EFNA5: variants seen among roughly 807,000 people sequenced by gnomAD.
EFNA5 encodes the protein ephrin A5.
A neutral mutation model predicts 22.9 loss-of-function variants in EFNA5; 5 were observed. The observed-to-expected ratio is 0.22, with a 90% CI of 0.11 to 0.46. The LOEUF is 0.46. Ranked by LOEUF, EFNA5 falls within the 20% of genes least tolerant of loss-of-function variation. The probability of loss-of-function intolerance (pLI) is 0.99; values close to 1 mark genes in which losing one functional copy is unlikely to be tolerated. For missense variants in EFNA5, 237 were observed against 293.3 expected (o/e 0.81, Z 1.40); for synonymous variants, 113 against 112.2 (o/e 1.01, Z -0.04).
chr5:107,652,953 T>C (rs899540007), intron 1 of EFNA5, among the ~76,000 whole-genome samples: 2 of 152,074 alleles, frequency 1.3e-5, no homozygotes, highest in African/African-American at 4.8e-5. Context: ...AGAACTTTCA[T>C]TTCAAATGGC....
chr5:107,537,921 A>C lies in EFNA5; in HGVS notation c.126-110412T>G, dbSNP rs373904338. Reference sequence around the variant, plus strand: ...CACACAAATGATTAGCACATAATACACTGGAGTATTGGCAAATATTAAATG... The same window carrying C: ...CACACAAATGATTAGCACATAATACCCTGGAGTATTGGCAAATATTAAATG... On this transcript the variant is annotated intron_variant, in intron 1 of 4. Transcript: ENST00000333274. 9.8e-5 allele frequency among the ~76,000 whole-genome samples: 15 copies of C among 152,324 alleles called. No homozygotes were observed. In the East Asian group the frequency reaches 1.4e-3, roughly 14 times the overall value.
chr5:107,386,904 T>A (rs1438272025), intron 4 of EFNA5, among the ~76,000 whole-genome samples: 1 of 152,224 alleles, frequency 6.6e-6, no homozygotes, highest in Non-Finnish European at 1.5e-5. Context: ...TGAAAACAGA[T>A]CCTTTAATAT....
intron 1 of EFNA5, among the ~76,000 whole-genome samples, chr5:107,451,767 C>T (rs562102194): frequency 1.3e-5 from 2 of 152,154 alleles, no homozygotes; most frequent in Non-Finnish European, 2.9e-5. Flanking sequence ...GGCTTTTCCA[C>T]TGTTGGTAGG....
chr5:107,623,763 G>A (rs1245601509), intron 1 of EFNA5, among the ~76,000 whole-genome samples: 1 of 148,788 alleles, frequency 6.7e-6, no homozygotes, highest in Non-Finnish European at 1.5e-5. Flanking sequence ...AAGGCAGAAA[G>A]AGCTTTTATG....
chr5:107,380,518 T>C lies in EFNA5; in HGVS notation c.*737A>G, dbSNP rs1332604829. 1 of 293,508 alleles carries C rather than the reference T, an allele frequency of 3.4e-6. No individual in the cohort carries two copies. Among genetic ancestry groups the C allele is most frequent in the African/African-American group, 2.2e-5 (1 of 45,102 alleles). The allele number at this position is 293,508 out of a possible 1,614,324, so 18.2% of individuals were successfully genotyped here. On this transcript the variant is annotated 3_prime_UTR_variant, in exon 5 of 5. Coordinates refer to ENST00000333274, the MANE Select transcript of EFNA5 (RefSeq NM_001962.3). The stretch of plus-strand genomic sequence containing the variant: ...CACACATACACACCCCCAGCAAACC[T>C]GTAGTTTTCTCTGTTTTCACACCTG...
At chr5:107,584,494 A>C (rs974847110) in intron 1 of EFNA5, among the ~76,000 whole-genome samples, 7 of 152,336 alleles carry the variant, frequency 4.6e-5, no homozygotes, top group Middle Eastern at 3.4e-3. Flanking sequence ...ATTTAAGCAT[A>C]AATAACCTTT....
chr5:107,638,034 TAG>T lies in EFNA5; in HGVS notation c.125+32453_125+32454del. On this transcript the variant is annotated intron_variant, in intron 1 of 4. Coordinates refer to ENST00000333274, the MANE Select transcript of EFNA5 (RefSeq NM_001962.3). ...GCTAATTTTTTGTATTTTTTTTTTT[TAG>T]TAGAGACGGGGTTTCACCATGTTAG... Among the ~76,000 whole-genome samples the T allele has an allele frequency of 4.0e-5, 6 of 150,912 alleles. 1 individual carries two copies.
At chr5:107,474,804 A>C (rs1012565016) in intron 1 of EFNA5, among the ~76,000 whole-genome samples, 4 of 152,180 alleles carry the variant, frequency 2.6e-5, no homozygotes, top group African/African-American at 7.2e-5. Flanking sequence ...AGGCAAGAAG[A>C]AGCCCCGAAG....
intron 1 of EFNA5, among the ~76,000 whole-genome samples, chr5:107,619,759 G>C (rs936638906): frequency 6.6e-6 from 1 of 152,090 alleles, no homozygotes; most frequent in African/African-American, 2.4e-5. Context: ...ACCACGCCTA[G>C]CCTATCAGCT....
rs181250394 is a variant in EFNA5, at chr5:107,542,889, G to T, written c.126-115380C>A. On this transcript the variant is annotated intron_variant, in intron 1 of 4. Coordinates refer to ENST00000333274, the MANE Select transcript of EFNA5 (RefSeq NM_001962.3). ...CTCACAACCTCGACAGGCAGTGTAT[G>T]TGTGACTTGTTCTTTCTATCCGGAA... Among the ~76,000 whole-genome samples, 502 of 152,334 alleles carry T rather than the reference G, an allele frequency of 3.3e-3. 2 individuals carry two copies. The highest frequency in any genetic ancestry group is 5.1e-3 in the Non-Finnish European group (350 of 68,030).
intron 1 of EFNA5, among the ~76,000 whole-genome samples, chr5:107,520,238 CTGTT>C (rs2112442374): frequency 6.6e-6 from 1 of 152,242 alleles, no homozygotes; most frequent in African/African-American, 2.4e-5. Flanking sequence ...CTTGTGGAGT[CTGTT>C]TGCATACCAC....
chr5:107,493,907 G>GTGTA (rs1746887795), intron 1 of EFNA5, among the ~76,000 whole-genome samples: 1 of 152,188 alleles, frequency 6.6e-6, no homozygotes, highest in Non-Finnish European at 1.5e-5. Flanking sequence ...ACTTACCCAA[G>GTGTA]TGTACACTGC....
At chr5:107,633,813 A>G (rs1750313418) in intron 1 of EFNA5, among the ~76,000 whole-genome samples, 1 of 152,184 alleles carries the variant, frequency 6.6e-6, no homozygotes, top group African/African-American at 2.4e-5. Flanking sequence ...AAACGTATTC[A>G]CACTTGAAAA....
At chr5:107,669,149 G>T (rs1751132164) in intron 1 of EFNA5, among the ~76,000 whole-genome samples, 1 of 151,906 alleles carries the variant, frequency 6.6e-6, no homozygotes, top group Admixed American at 6.6e-5. Context: ...TCCCTCTCTT[G>T]CCTGCATGCT....
At chr5:107,670,429 C>T (rs1751167908) in intron 1 of EFNA5, 60 bp downstream of exon 1, 5 of 1,503,514 alleles carry the variant, frequency 3.3e-6, no homozygotes, top group South Asian at 2.5e-5. Flanking sequence ...CCCGCCGCCG[C>T]TCCTTCCGCA....
chr5:107,650,720 T>C (rs1750711794), intron 1 of EFNA5, among the ~76,000 whole-genome samples: 1 of 152,220 alleles, frequency 6.6e-6, no homozygotes, highest in African/African-American at 2.4e-5. Context: ...CTAAAACTTT[T>C]ATTCAGGGAA....
chr5:107,560,177 G>T (rs1748505224), intron 1 of EFNA5, among the ~76,000 whole-genome samples: 1 of 152,188 alleles, frequency 6.6e-6, no homozygotes, highest in African/African-American at 2.4e-5. Context: ...AAGGGCTAAA[G>T]AATGAATTAC....
chr5:107,383,598 C>G (rs1023235402), intron 4 of EFNA5, among the ~76,000 whole-genome samples: 35 of 152,316 alleles, frequency 2.3e-4, no homozygotes, highest in South Asian at 4.1e-4. Context: ...GAAATTGCAT[C>G]AGCTATTGGA....
chr5:107,598,402 C>T (rs906377646), intron 1 of EFNA5, among the ~76,000 whole-genome samples: 2 of 152,084 alleles, frequency 1.3e-5, no homozygotes, highest in Admixed American at 1.3e-4. Context: ...AACTAAATTT[C>T]TCTATGAATG....
Sources: allele counts gnomAD v4.1 joint callset (sites outside exome capture counted in the v4.1 genomes callset), GRCh38; gene constraint gnomAD v4.1.1; transcripts MANE v1.5; gene names NCBI Gene and HGNC (gene_info 2026-07-23, HGNC 2026-07-21).